Variants in RASD2 observed in about 807,000 individuals in gnomAD.
RASD2 encodes the protein GTP-binding protein Rhes.
A neutral mutation model predicts 15.8 loss-of-function variants in RASD2; 7 were observed. The observed-to-expected ratio is 0.44, with a 90% CI of 0.25 to 0.83. The LOEUF (loss-of-function observed/expected upper bound fraction) is 0.83, where lower values mean the gene tolerates loss of function less well. Ranked by LOEUF, RASD2 falls within the 40% of genes least tolerant of loss-of-function variation. The pLI is 0.20. For missense variants in RASD2, 274 were observed against 382.8 expected, an observed-to-expected ratio of 0.72 and a Z score of 2.37; for synonymous variants, 155 against 153.6, an observed-to-expected ratio of 1.01 and a Z score of -0.07.
At position 35,544,458 on chromosome 22, in the gene RASD2, A is replaced by T. The variant is rs1934443039; in HGVS notation, c.-9-2343A>T. On this transcript the variant is annotated intron_variant, in intron 1 of 2. Coordinates refer to ENST00000216127, the MANE Select transcript of RASD2 (RefSeq NM_014310.4). ...CCCTCCTTGGCACAGCCCCTGGGCC[A>T]GTCAGGTGGTTGAGGCTGAGGAGAG... is the stretch of plus-strand genomic sequence containing the variant. 2.0e-5 allele frequency among the ~76,000 whole-genome samples: 3 copies of T among 152,270 alleles called. No individual in the cohort carries two copies. The South Asian group carries it at 6.2e-4, about 31-fold the overall frequency.
chr22:35,533,896 CGGGGATGATGATGAG>C, the RASD2 span, among the ~76,000 whole-genome samples: 1 of 117,874 alleles, frequency 8.5e-6, no homozygotes, highest in East Asian at 2.8e-4. Context: ...ATGGTGATGA[CGGGGATGATGATGAG>C]AGTGATGATG....
At chr22:35,539,400 T>C (rs1276649795), upstream of RASD2, among the ~76,000 whole-genome samples, 1 of 152,032 alleles carries the variant, frequency 6.6e-6, no homozygotes, top group East Asian at 1.9e-4. Context: ...GGGTTGGGGG[T>C]GAGGCTGGCA....
At chr22:35,539,880 TGG>T (rs1379866747), upstream of RASD2, among the ~76,000 whole-genome samples, 1 of 151,860 alleles carries the variant, frequency 6.6e-6, no homozygotes, top group Admixed American at 6.6e-5. Context: ...CATTTAAAGG[TGG>T]GGAGGGAGAA....
chr22:35,545,344 G>A (rs557253729), intron 1 of RASD2, among the ~76,000 whole-genome samples: 8 of 152,344 alleles, frequency 5.3e-5, no homozygotes, highest in African/African-American at 1.9e-4. Flanking sequence ...AGGCACTCAA[G>A]GAAACCGACT....
rs1214738482 is a variant in RASD2 at position 35,541,462 on chromosome 22, T to TTCCAGG, written c.-48_-47insTCCAGG. On this transcript the variant is annotated 5_prime_UTR_variant, in exon 1 of 3. Transcript: ENST00000216127. ...GCAGCTCCCGGCGCTTCCAGGCAGC[T>TTCCAGG]CTCTGAGCCGTGCCAGAGGCCCGGC... The TTCCAGG allele has an allele frequency of 3.9e-5, 6 of 152,140 alleles. No individual in the cohort carries two copies. The highest frequency in any genetic ancestry group is 1.2e-4 in the African/African-American group (5 of 41,412). 9.4% of individuals were successfully genotyped at this position (152,140 alleles called of 1,614,324 possible). A position where few individuals can be genotyped will look rare whatever the true frequency, so the allele number is the denominator to read the frequency against.
rs373636313 is a variant in RASD2, at chr22:35,546,830, C to T, written c.21C>T (p.Ser7=). ...GAGCCATGATGAAGACTTTGTCCAGCGGGAACTGCACGCTCAGTGTGCCCG... is the reference window on the plus strand; with the variant it reads ...GAGCCATGATGAAGACTTTGTCCAGTGGGAACTGCACGCTCAGTGTGCCCG... MMKTLS[S]GNCTLSVPAK... is the part of the protein sequence containing the mutation. Residue 7 remains serine, a synonymous_variant, in exon 2 of 3, where the codon AGC becomes AGT. Coordinates refer to ENST00000216127, the MANE Select transcript of RASD2 (RefSeq NM_014310.4). 17 of 1,613,572 alleles carry T rather than the reference C, an allele frequency of 1.1e-5. No homozygotes were observed. Among genetic ancestry groups the T allele is most frequent in the South Asian group, 9.9e-5 (9 of 91,008 alleles).
rs757680212 is a variant in RASD2 at position 35,551,572 on chromosome 22, A to G, written c.341A>G (p.Lys114Arg). 1.2e-6 allele frequency: 2 copies of G among 1,614,030 alleles called. No individual in the cohort carries two copies. Among genetic ancestry groups the G allele is most frequent in the Non-Finnish European group, 8.5e-7 (1 of 1,180,028 alleles). ...TTCGATGAGGTCAAGCGCCTTCAGA[A>G]GCAGATCCTGGAGGTCAAGTCCTGC... ...ESFDEVKRLQ[K>R]QILEVKSCLK... The change falls in exon 3 of 3, where the codon AAG becomes AGG. Residue 114 changes from lysine to arginine, a missense_variant. By Grantham distance (26) the Lys-to-Arg change is conservative. Transcript: ENST00000216127. The surrounding 1 kb of genome is among the most constrained non-coding windows in gnomAD (Gnocchi z 4.9).
intron 2 of RASD2, among the ~76,000 whole-genome samples, chr22:35,550,246 A>G (rs745400251): frequency 1.1e-4 from 17 of 151,266 alleles, no homozygotes; most frequent in Admixed American, 1.3e-4. Context: ...CTGGGCAACA[A>G]GAGTGAAACT....
chr22:35,544,201 G>A (rs550772285), intron 1 of RASD2, among the ~76,000 whole-genome samples: 5 of 152,340 alleles, frequency 3.3e-5, no homozygotes, highest in Admixed American at 6.5e-5. Flanking sequence ...AGAAGTGACC[G>A]CCAGCAGAGT....
rs925397060 is a variant in RASD2, at chr22:35,545,647, G to T, written c.-9-1154G>T. Among the ~76,000 whole-genome samples, 16 of 152,296 alleles carry T rather than the reference G, an allele frequency of 1.1e-4. 1 individual carries two copies. In the South Asian group the frequency reaches 3.3e-3, roughly 32 times the overall value. On this transcript the variant is annotated intron_variant, in intron 1 of 2. Coordinates refer to ENST00000216127, the MANE Select transcript of RASD2 (RefSeq NM_014310.4). ...TGGAGAGGGGAGGGATTCCTGCAAG[G>T]GTGAGGAGATCAGAGAGGCCTTCAG...
chr22:35,547,025 G>C lies in RASD2; in HGVS notation c.216G>C (p.Leu72=). The stretch of plus-strand genomic sequence containing the variant: ...GCGACATGTACCAGCTCGACATCCT[G>C]GATACCTCTGGCAACCACCCCTTCC... ...IRGDMYQLDI[L]DTSGNHPFPA... The change falls in exon 2 of 3, where the codon CTG becomes CTC. Residue 72 remains leucine (L), a synonymous_variant. Transcript: ENST00000216127. The C allele has an allele frequency of 6.2e-7, 1 of 1,614,106 alleles. No individual in the cohort carries two copies. The highest frequency in any genetic ancestry group is 8.5e-7 in the Non-Finnish European group (1 of 1,180,026).
chr22:35,551,543 G>T lies in RASD2; in HGVS notation c.312G>T (p.Glu104Asp), dbSNP rs974992841. Residue 104 changes from glutamate to aspartate, a missense_variant, in exon 3 of 3, where the codon GAG becomes GAT. Coordinates refer to ENST00000216127, the MANE Select transcript of RASD2 (RefSeq NM_014310.4). This position sits in a 1 kb window ranked among gnomAD's most constrained non-coding sequence, Gnocchi z 4.9. ...FILVFSLDNR[E>D]SFDEVKRLQK... is the part of the protein sequence containing the mutation. ...TGGTGTTCAGCCTGGATAACCGGGA[G>T]TCCTTCGATGAGGTCAAGCGCCTTC... is the stretch of plus-strand genomic sequence containing the variant. 1 of 1,613,342 alleles carries T rather than the reference G, an allele frequency of 6.2e-7. No homozygotes were observed. Among genetic ancestry groups the T allele is most frequent in the African/African-American group, 1.3e-5 (1 of 75,022 alleles).
chr22:35,546,828 A>G lies in RASD2; in HGVS notation c.19A>G (p.Ser7Gly), dbSNP rs774671560. Reference sequence around the variant, plus strand: ...CCGAGCCATGATGAAGACTTTGTCCAGCGGGAACTGCACGCTCAGTGTGCC... The same window carrying G: ...CCGAGCCATGATGAAGACTTTGTCCGGCGGGAACTGCACGCTCAGTGTGCC... MMKTLS[S>G]GNCTLSVPAK... The change falls in exon 2 of 3, where the codon AGC becomes GGC. Residue 7 changes from serine to glycine, a missense_variant. Physicochemically the swap from Ser to Gly is moderately conservative, Grantham distance 56 (BLOSUM62 0). Transcript: ENST00000216127. The G allele has an allele frequency of 6.2e-7, 1 of 1,613,842 alleles. No individual in the cohort carries two copies. The highest frequency in any genetic ancestry group is 8.5e-7 in the Non-Finnish European group (1 of 1,179,920).
At chr22:35,548,563 T>C (rs1278610288) in intron 2 of RASD2, among the ~76,000 whole-genome samples, 1 of 152,122 alleles carries the variant, frequency 6.6e-6, no homozygotes, top group African/African-American at 2.4e-5. Context: ...GGTACTTCTA[T>C]ACAGAGAAAC....
upstream of RASD2, among the ~76,000 whole-genome samples, chr22:35,536,525 C>A (rs1424014094): frequency 6.6e-6 from 1 of 152,168 alleles, no homozygotes; most frequent in Non-Finnish European, 1.5e-5. Flanking sequence ...CAGGGTTTCA[C>A]CCCGTTAGCC....
At chr22:35,533,706 ATGATGG>A in the RASD2 span, among the ~76,000 whole-genome samples, 6,643 of 139,654 alleles carry the variant, frequency 0.048, 631 homozygotes, top group African/African-American at 0.068. Flanking sequence ...GATGATGGTG[ATGATGG>A]TGATGGTGAT....
In RASD2 at chr22:35,551,666, C is replaced by T. The variant is rs568734496; in HGVS notation, c.435C>T (p.Gly145=). The change falls in exon 3 of 3, where the codon GGC becomes GGT. Residue 145 remains glycine (G), a synonymous_variant. Transcript: ENST00000216127. The surrounding 1 kb of genome is among the most constrained non-coding windows in gnomAD (Gnocchi z 4.9). ...TCTGTGGCAACAAGAACGACCACGG[C>T]GAGCTGTGCCGCCAGGTGCCCACCA... The part of the protein sequence containing the change: ...MVICGNKNDH[G]ELCRQVPTTE... 77 of 1,614,040 alleles carry T rather than the reference C, an allele frequency of 4.8e-5. No individual in the cohort carries two copies. The South Asian group carries it at 5.2e-4, about 11-fold the overall frequency.
chr22:35,546,594 TTGAG>T (rs1439146535), intron 1 of RASD2, among the ~76,000 whole-genome samples: 3 of 151,968 alleles, frequency 2.0e-5, no homozygotes, highest in East Asian at 1.9e-4. Flanking sequence ...TGAACGGATA[TTGAG>T]TGAGTGAGTG....
chr22:35,541,281 G>C lies in RASD2; in HGVS notation c.-229G>C, dbSNP rs1317182359. 2 of 151,894 alleles carry C rather than the reference G, an allele frequency of 1.3e-5. No homozygotes were observed. The highest frequency in any genetic ancestry group is 2.9e-5 in the Non-Finnish European group (2 of 67,972). 9.4% of individuals were successfully genotyped at this position (151,894 alleles called of 1,614,324 possible). A position where few individuals can be genotyped will look rare whatever the true frequency, so the allele number is the denominator to read the frequency against. ...CCTGCCCGGGCCCCGCCGAGCCCTC[G>C]GAGCCCACCCATGGGGCACCTGCCC... On this transcript the variant is annotated 5_prime_UTR_variant, in exon 1 of 3. Transcript: ENST00000216127.
Sources: gnomAD v4.1 joint callset for allele counts (sites outside exome capture counted in the v4.1 genomes callset) on GRCh38, gnomAD v4.1.1 for gene constraint, Gnocchi (gnomAD v3.1) non-coding constraint, MANE v1.5 for transcripts, NCBI Gene and HGNC (gene_info 2026-07-23, HGNC 2026-07-21) for gene names.